Variants in PCDHA5 observed in about 807,000 individuals in gnomAD.
PCDHA5 encodes the protein protocadherin alpha-5.
A neutral mutation model predicts 61.6 loss-of-function variants in PCDHA5; 43 were observed. The ratio of observed to expected loss-of-function variants is 0.70; its 90% CI spans 0.55 to 0.90. The LOEUF (loss-of-function observed/expected upper bound fraction) is 0.90, where lower values mean the gene tolerates loss of function less well. Among genes scored for constraint, PCDHA5 ranks in the 40% least tolerant of loss-of-function variants. The pLI is 0.00. For missense variants in PCDHA5, 1,298 were observed against 1,222.7 expected (o/e 1.06, Z -0.92); for synonymous variants, 627 against 543.9 (o/e 1.15, Z -2.13).
chr5:140,853,370 G>T lies in PCDHA5; in HGVS notation c.2352+29243G>T, dbSNP rs1365315114. On this transcript the variant is annotated intron_variant, in intron 1 of 3. Coordinates refer to ENST00000529859, the MANE Select transcript of PCDHA5 (RefSeq NM_018908.3). ...CATGAACTCACAGGGATCCAGAGAT[G>T]GTAAAATTCAAAACAGCCTGTCAAG... 3 of 983,178 alleles carry T rather than the reference G, an allele frequency of 3.1e-6. 1 individual carries two copies. The highest frequency in any genetic ancestry group is 3.7e-6 in the Non-Finnish European group (3 of 815,894). The allele number at this position is 983,178 out of a possible 1,614,324, so 60.9% of individuals were successfully genotyped here. A position where few individuals can be genotyped will look rare whatever the true frequency, so the allele number is the denominator to read the frequency against.
rs1396431858 is a variant in PCDHA5, at chr5:141,010,083, T to C, written c.*146T>C. The C allele has an allele frequency of 1.9e-6, 3 of 1,612,132 alleles. No homozygotes were observed. The African/African-American group carries it at 4.0e-5, about 22-fold the overall frequency. On this transcript the variant is annotated 3_prime_UTR_variant, in exon 4 of 4. Coordinates refer to ENST00000529859, the MANE Select transcript of PCDHA5 (RefSeq NM_018908.3). Reference sequence around the variant, plus strand: ...CTGCAGAAAGTTCCCTGTGTCTGTCTAGAACGCATTTAACAGGTTTTGTCG... The same window carrying C: ...CTGCAGAAAGTTCCCTGTGTCTGTCCAGAACGCATTTAACAGGTTTTGTCG...
chr5:140,994,377 G>T (rs1260163825), intron 3 of PCDHA5, among the ~76,000 whole-genome samples: 3 of 152,098 alleles, frequency 2.0e-5, no homozygotes, highest in Non-Finnish European at 4.4e-5. Context: ...GGAAATTCAG[G>T]GGACTAAGTC....
chr5:140,906,629 C>T (rs1554192599), intron 1 of PCDHA5, among the ~76,000 whole-genome samples: 1 of 152,222 alleles, frequency 6.6e-6, no homozygotes, highest in Non-Finnish European at 1.5e-5. Context: ...CTTCAGCAAG[C>T]ACCTCAGCAG....
chr5:140,957,879 G>T (rs2095393633), intron 1 of PCDHA5, among the ~76,000 whole-genome samples: 1 of 151,960 alleles, frequency 6.6e-6, no homozygotes, highest in Non-Finnish European at 1.5e-5. Flanking sequence ...GTGCTGAAAA[G>T]CTGAAGTTGG....
intron 1 of PCDHA5, chr5:140,876,290 T>C: frequency 6.2e-7 from 1 of 1,614,074 alleles, no homozygotes; most frequent in Non-Finnish European, 8.5e-7. Flanking sequence ...GACGAAGGAC[T>C]TAATGGAGAA....
chr5:140,830,320 CG>C, intron 1 of PCDHA5: 1 of 1,613,990 alleles, frequency 6.2e-7, no homozygotes, highest in Non-Finnish European at 8.5e-7. Flanking sequence ...TGTGCTCCAG[CG>C]CAGTGGGGAG....
At chr5:140,835,601 A>G (rs2150239166) in intron 1 of PCDHA5, 39 of 1,613,774 alleles carry the variant, frequency 2.4e-5, no homozygotes, top group African/African-American at 6.7e-5. Flanking sequence ...ATTACTATTC[A>G]TTGGTGCTGG....
chr5:140,931,319 T>A (rs1237988294), intron 1 of PCDHA5, among the ~76,000 whole-genome samples: 3 of 152,086 alleles, frequency 2.0e-5, no homozygotes, highest in Non-Finnish European at 4.4e-5. Flanking sequence ...ATACCAGTAA[T>A]GGCTGTAAAG....
intron 1 of PCDHA5, chr5:140,829,138 G>A: frequency 6.2e-7 from 1 of 1,613,472 alleles, no homozygotes; most frequent in Non-Finnish European, 8.5e-7. Context: ...ACGTCCCTGA[G>A]ATAGCACTGA....
At chr5:140,969,236 G>A (rs782453054) in intron 1 of PCDHA5, 5 of 1,614,052 alleles carry the variant, frequency 3.1e-6, no homozygotes, top group Non-Finnish European at 4.2e-6. Flanking sequence ...GGGAGCCCAA[G>A]CAGCAGTGAC....
intron 1 of PCDHA5, chr5:140,966,378 G>A: frequency 2.5e-6 from 1 of 405,124 alleles, no homozygotes; most frequent in African/African-American, 2.1e-5. Flanking sequence ...AGCAGTCCGG[G>A]TTCGCTGTCC....
chr5:140,882,307 A>G (rs2153383804), intron 1 of PCDHA5: 1 of 1,613,900 alleles, frequency 6.2e-7, no homozygotes, highest in South Asian at 1.1e-5. Context: ...GACCGCGGCA[A>G]CTACTGCTCT....
At chr5:140,903,585 T>C (rs928775971) in intron 1 of PCDHA5, among the ~76,000 whole-genome samples, 2 of 152,224 alleles carry the variant, frequency 1.3e-5, no homozygotes, top group Non-Finnish European at 2.9e-5. Context: ...TAGCTGGTGT[T>C]GGCCTGATAA....
Position 140,841,598 on chromosome 5 carries a change from G to T in PCDHA5, c.2352+17471G>T, listed in dbSNP as rs2150318945. 1.9e-6 allele frequency: 3 copies of T among 1,614,142 alleles called. No homozygotes were observed. The South Asian group carries it at 3.3e-5, about 18-fold the overall frequency. On this transcript the variant is annotated intron_variant, in intron 1 of 3. Coordinates refer to ENST00000529859, the MANE Select transcript of PCDHA5 (RefSeq NM_018908.3). ...GTTTGTGAATTCTCGGATCGACCGCGAGGAGCTGTGCGGGCGGAGCGCGGA... is the reference window on the plus strand; with the variant it reads ...GTTTGTGAATTCTCGGATCGACCGCTAGGAGCTGTGCGGGCGGAGCGCGGA...
intron 1 of PCDHA5, chr5:140,966,848 C>T (rs573027963): frequency 1.3e-6 from 2 of 1,571,846 alleles, no homozygotes; most frequent in East Asian, 2.3e-5. Flanking sequence ...GCTACTGCCT[C>T]TCCTGCTGCT....
chr5:140,953,074 C>T (rs929530454), intron 1 of PCDHA5, among the ~76,000 whole-genome samples: 1 of 152,204 alleles, frequency 6.6e-6, no homozygotes, highest in Non-Finnish European at 1.5e-5. Flanking sequence ...CCATCTCCAA[C>T]ATTGGGGATT....
chr5:141,000,103 G>T (rs551643743), intron 3 of PCDHA5, among the ~76,000 whole-genome samples: 2 of 152,068 alleles, frequency 1.3e-5, no homozygotes, highest in Non-Finnish European at 2.9e-5. Flanking sequence ...GCTCAACTCC[G>T]TCTCTTCCCT....
chr5:140,941,492 T>G (rs1446870882), intron 1 of PCDHA5, among the ~76,000 whole-genome samples: 18 of 151,592 alleles, frequency 1.2e-4, no homozygotes, highest in Admixed American at 1.2e-3. Flanking sequence ...ATTTTTTGTA[T>G]TTTTAGTAGA....
At chr5:140,966,707 A>T in intron 1 of PCDHA5, 2 of 1,379,868 alleles carry the variant, frequency 1.4e-6, no homozygotes, top group Non-Finnish European at 9.3e-7. Flanking sequence ...GGCGTGGGGC[A>T]CGGCTGGGGA....
Sources: allele counts gnomAD v4.1 joint callset (sites outside exome capture counted in the v4.1 genomes callset), GRCh38; gene constraint gnomAD v4.1.1; transcripts MANE v1.5; gene names NCBI Gene and HGNC (gene_info 2026-07-23, HGNC 2026-07-21).